The following SPECC1L variants were observed in gnomAD, a reference collection of about 807,000 sequenced individuals.
The protein encoded by SPECC1L is sperm antigen with calponin homology and coiled-coil domains 1 like, also known as cytospin-A.
In SPECC1L, 40 loss-of-function variants were observed where a neutral mutation model predicts 116.8. The ratio of observed to expected loss-of-function variants is 0.34; its 90% CI spans 0.27 to 0.45. SPECC1L has a LOEUF of 0.45. SPECC1L is among the 20% of genes least tolerant of loss of function. SPECC1L has a pLI of 1.00. For synonymous variants in SPECC1L, 504 were observed against 500.6 expected, an observed-to-expected ratio of 1.01 and a Z score of -0.09; for missense variants, 1,110 against 1,373.6, an observed-to-expected ratio of 0.81 and a Z score of 3.03.
chr22:24,292,963 A>AT, intron 2 of SPECC1L, among the ~76,000 whole-genome samples: 1 of 152,354 alleles, frequency 6.6e-6, no homozygotes, highest in African/African-American at 2.4e-5. Flanking sequence ...TAGAATACAG[A>AT]TTACACAGCA....
intron 2 of SPECC1L, among the ~76,000 whole-genome samples, 188 bp from the exon 3 acceptor site, chr22:24,302,007 C>G (rs1263295970): frequency 1.3e-5 from 2 of 151,586 alleles, no homozygotes; most frequent in Non-Finnish European, 2.9e-5. Flanking sequence ...GATAGTGCCA[C>G]TGCACTCCAG....
At chr22:24,405,270 G>A (rs1474106448) in intron 14 of SPECC1L, among the ~76,000 whole-genome samples, 1 of 152,148 alleles carries the variant, frequency 6.6e-6, no homozygotes, top group African/African-American at 2.4e-5. Context: ...GAGAGAAGGG[G>A]AGAAGGAGGG....
intron 14 of SPECC1L, among the ~76,000 whole-genome samples, chr22:24,398,247 A>G (rs1267429935): frequency 2.0e-5 from 3 of 152,214 alleles, no homozygotes; most frequent in Non-Finnish European, 4.4e-5. Context: ...GGAGAAGAGG[A>G]CAGGATGTGT....
At chr22:24,377,181 C>T (rs1601311145) in intron 14 of SPECC1L, among the ~76,000 whole-genome samples, 1 of 152,136 alleles carries the variant, frequency 6.6e-6, no homozygotes, top group African/African-American at 2.4e-5. Flanking sequence ...TATACTAGTA[C>T]CTCATTCCTT....
At chr22:24,330,200 TTAAA>T (rs548971321) in intron 7 of SPECC1L, 52 bp from the exon 8 acceptor site, 160 of 1,579,030 alleles carry the variant, frequency 1.0e-4, no homozygotes, top group Admixed American at 8.3e-4. Flanking sequence ...TTTATTGCTT[TTAAA>T]TAAATCTTGA....
At chr22:24,357,858 C>CA (rs1186346573) in intron 11 of SPECC1L, among the ~76,000 whole-genome samples, 1 of 152,184 alleles carries the variant, frequency 6.6e-6, no homozygotes, top group African/African-American at 2.4e-5. Context: ...GCCTGTCTTA[C>CA]CCTCTTACAA....
Position 24,313,395 on chromosome 22 carries a change from G to A in SPECC1L, c.236G>A (p.Cys79Tyr). ...TNGVKGKKST[C>Y]PSAAPSASAP... Reference sequence around the variant, plus strand: ...GGTGTTAAAGGAAAGAAAAGCACCTGCCCATCTGCAGCACCTTCAGCATCT... The same window carrying A: ...GGTGTTAAAGGAAAGAAAAGCACCTACCCATCTGCAGCACCTTCAGCATCT... Residue 79 changes from cysteine to tyrosine, a missense_variant, in exon 4 of 17, where the codon TGC becomes TAC. Cys to Tyr is a radical substitution (Grantham distance 194). This residue lies in a region of SPECC1L where 437 missense variants were observed against 482.6 expected (regional missense o/e 0.91). Transcript: ENST00000314328. The A allele has an allele frequency of 3.1e-6, 5 of 1,614,164 alleles. No homozygotes were observed. Among genetic ancestry groups the A allele is most frequent in the Non-Finnish European group, 4.2e-6 (5 of 1,180,034 alleles).
intron 3 of SPECC1L, among the ~76,000 whole-genome samples, chr22:24,311,804 C>CAAAAAAAAA (rs915422222): frequency 2.1e-5 from 1 of 46,564 alleles, no homozygotes; most frequent in Non-Finnish European, 5.0e-5. Context: ...GACTTTGTCT[C>CAAAAAAAAA]AAAAAAAAAA....
intron 11 of SPECC1L, among the ~76,000 whole-genome samples, chr22:24,355,889 G>C (rs1220519331): frequency 2.2e-5 from 3 of 135,748 alleles, no homozygotes; most frequent in Non-Finnish European, 4.7e-5. Flanking sequence ...TGTGGGTTTT[G>C]ACAAACACAT....
chr22:24,289,344 T>C (rs1453157238), intron 2 of SPECC1L, among the ~76,000 whole-genome samples: 4 of 152,242 alleles, frequency 2.6e-5, no homozygotes, highest in African/African-American at 9.6e-5. Flanking sequence ...TTTCCAGGCT[T>C]GTCACTTGTC....
intron 11 of SPECC1L, among the ~76,000 whole-genome samples, chr22:24,349,419 A>G (rs1287516716): frequency 1.3e-5 from 2 of 151,908 alleles, no homozygotes; most frequent in African/African-American, 2.4e-5. Context: ...CTTTGTCCTC[A>G]CTTTCTTTGT....
In SPECC1L at chr22:24,317,533, G is replaced by T. The variant is rs560583730; in HGVS notation, c.308-3755G>T. 5.6e-5 allele frequency among the ~76,000 whole-genome samples: 7 copies of T among 124,390 alleles called. 1 individual carries two copies. The highest frequency in any genetic ancestry group is 1.6e-4 in the Admixed American group (2 of 12,352). The allele number at this position is 124,390 out of a possible 152,430, so 81.6% of individuals were successfully genotyped here. A position where few individuals can be genotyped will look rare whatever the true frequency, so the allele number is the denominator to read the frequency against. ...ACGGGGCGGCTGGCCAGGCAGAGGGGCTCCTCACTTCCCAGTAGGGGCGGC... is the reference window on the plus strand; with the variant it reads ...ACGGGGCGGCTGGCCAGGCAGAGGGTCTCCTCACTTCCCAGTAGGGGCGGC... On this transcript the variant is annotated intron_variant, in intron 4 of 16. Coordinates refer to ENST00000314328, the MANE Select transcript of SPECC1L (RefSeq NM_015330.6).
chr22:24,357,909 G>A (rs2041563531), intron 11 of SPECC1L, among the ~76,000 whole-genome samples: 3 of 152,082 alleles, frequency 2.0e-5, no homozygotes, highest in Admixed American at 2.0e-4. Context: ...TTCACAGAGG[G>A]CATATTTTCC....
At chr22:24,413,179 C>T (rs1295711038) in intron 16 of SPECC1L, among the ~76,000 whole-genome samples, 1 of 152,196 alleles carries the variant, frequency 6.6e-6, no homozygotes, top group Admixed American at 6.5e-5. Context: ...CGGGGAGGCT[C>T]CTGCACTTCC....
intron 14 of SPECC1L, among the ~76,000 whole-genome samples, chr22:24,399,350 C>T (rs1482069431): frequency 6.6e-6 from 1 of 152,302 alleles, no homozygotes; most frequent in East Asian, 1.9e-4. Flanking sequence ...GCGGGTGGAT[C>T]ACGAGGTCAG....
chr22:24,281,123 T>A (rs200942249), intron 2 of SPECC1L, among the ~76,000 whole-genome samples: 1 of 152,134 alleles, frequency 6.6e-6, no homozygotes, highest in Non-Finnish European at 1.5e-5. Flanking sequence ...GTAATGAAAA[T>A]TTTAAAGGAA....
Position 24,334,444 on chromosome 22 carries a change from A to T in SPECC1L, c.2431A>T (p.Met811Leu). ...EEERGRVYNYMNAVERDLAAL... is the reference protein window; with the variant it reads ...EEERGRVYNYLNAVERDLAAL... ...GGAGCGAGGCCGGGTATACAATTAC[A>T]TGAATGCCGTTGAGAGAGATTTGGC... Residue 811 changes from methionine (M) to leucine (L), a missense_variant, in exon 9 of 17, where the codon ATG becomes TTG. Physicochemically the swap from Met to Leu is conservative, Grantham distance 15. This residue lies in a region of SPECC1L where 575 missense variants were observed against 682.4 expected (regional missense o/e 0.84). Transcript: ENST00000314328. The T allele has an allele frequency of 6.2e-7, 1 of 1,614,206 alleles. No individual in the cohort carries two copies. Among genetic ancestry groups the T allele is most frequent in the Non-Finnish European group, 8.5e-7 (1 of 1,180,030 alleles).
At chr22:24,377,775 G>C (rs1398002516) in intron 14 of SPECC1L, among the ~76,000 whole-genome samples, 3 of 152,188 alleles carry the variant, frequency 2.0e-5, no homozygotes, top group Non-Finnish European at 4.4e-5. Flanking sequence ...TATTTTGAAA[G>C]GAACAGTGGG....
intron 14 of SPECC1L, among the ~76,000 whole-genome samples, chr22:24,408,039 A>G (rs1476183546): frequency 1.3e-5 from 2 of 152,006 alleles, no homozygotes; most frequent in Non-Finnish European, 2.9e-5. Context: ...TCGGAGCCTC[A>G]CCCTCCTTCC....
Sources: gnomAD v4.1 joint callset for allele counts (sites outside exome capture counted in the v4.1 genomes callset) on GRCh38, gnomAD v4.1.1 for gene constraint, gnomAD v4.1.1 regional missense constraint, MANE v1.5 for transcripts, NCBI Gene and HGNC (gene_info 2026-07-23, HGNC 2026-07-21) for gene names.